Variants in EPB41L4B observed in about 807,000 individuals in gnomAD.
The protein encoded by EPB41L4B is band 4.1-like protein 4B.
Under a neutral mutation model 112.5 loss-of-function variants are expected in EPB41L4B, and 30 were observed. The ratio of observed to expected loss-of-function variants is 0.27; its 90% CI spans 0.20 to 0.36. EPB41L4B has a LOEUF of 0.36. EPB41L4B is among the 10% of genes least tolerant of loss of function. The pLI, the probability that EPB41L4B is intolerant of heterozygous loss-of-function variation, is 1.00. For missense variants in EPB41L4B, 1,024 were observed against 1,133.3 expected (o/e 0.90, Z 1.38); for synonymous variants, 408 against 439.7 (o/e 0.93, Z 0.90).
chr9:109,314,737 G>C (rs1837569847), intron 1 of EPB41L4B, among the ~76,000 whole-genome samples: 1 of 152,060 alleles, frequency 6.6e-6, no homozygotes, highest in African/African-American at 2.4e-5. Context: ...CCAGGTCTGA[G>C]AGGGGATGTG....
intron 2 of EPB41L4B, among the ~76,000 whole-genome samples, chr9:109,272,763 A>C (rs183855368): frequency 6.6e-6 from 1 of 152,296 alleles, no homozygotes; most frequent in African/African-American, 2.4e-5. Context: ...AAATACATAT[A>C]TATAGTTTGT....
chr9:109,220,385 A>G (rs1833530206), intron 15 of EPB41L4B, among the ~76,000 whole-genome samples: 1 of 152,200 alleles, frequency 6.6e-6, no homozygotes, highest in Non-Finnish European at 1.5e-5. Context: ...GAAAGGGCTT[A>G]AGCAAGGGAG....
chr9:109,255,430 T>G (rs758310361), intron 11 of EPB41L4B, 81 bp downstream of exon 11: 290 of 1,526,440 alleles, frequency 1.9e-4, no homozygotes, highest in Non-Finnish European at 2.4e-4. Flanking sequence ...TCAAATCCAC[T>G]ACTCTATTCG....
At position 109,173,740 on chromosome 9, in the gene EPB41L4B, A is replaced by C. The variant is rs1279773732; in HGVS notation, c.*814T>G. 2 of 152,678 alleles carry C rather than the reference A, an allele frequency of 1.3e-5. No homozygotes were observed. The highest frequency in any genetic ancestry group is 2.9e-5 in the Non-Finnish European group (2 of 68,040). The allele number at this position is 152,678 out of a possible 1,614,324, so 9.5% of individuals were successfully genotyped here. A position where few individuals can be genotyped will look rare whatever the true frequency, so the allele number is the denominator to read the frequency against. ...AAGTTGTTCAAGTGCATTAATAAAA[A>C]TTTAAAAACACATTTCTTGAAACTA... On this transcript the variant is annotated 3_prime_UTR_variant, in exon 26 of 26. Transcript: ENST00000374566.
chr9:109,259,535 G>A (rs572693888), intron 6 of EPB41L4B, among the ~76,000 whole-genome samples: 5 of 152,180 alleles, frequency 3.3e-5, no homozygotes, highest in East Asian at 1.9e-4. Context: ...CTAGGAGGCC[G>A]TGGAGGGTGG....
chr9:109,254,395 G>A (rs1423722654), intron 11 of EPB41L4B, among the ~76,000 whole-genome samples: 1 of 77,836 alleles, frequency 1.3e-5, no homozygotes, highest in Admixed American at 1.6e-4. Context: ...CCCCGCCCCC[G>A]ACCCCTTGGA....
At chr9:109,237,083 C>T (rs997761338) in intron 15 of EPB41L4B, among the ~76,000 whole-genome samples, 1 of 152,176 alleles carries the variant, frequency 6.6e-6, no homozygotes, top group Non-Finnish European at 1.5e-5. Context: ...AAGACTCTGT[C>T]ATTACTTGTG....
At chr9:109,206,804 T>TTTGC (rs1833005894) in intron 18 of EPB41L4B, among the ~76,000 whole-genome samples, 5 of 152,244 alleles carry the variant, frequency 3.3e-5, no homozygotes, top group African/African-American at 1.2e-4. Context: ...CCTGCAAACC[T>TTTGC]CATGTCTGCT....
intron 15 of EPB41L4B, among the ~76,000 whole-genome samples, chr9:109,242,260 T>TTCTG (rs991294324): frequency 2.0e-5 from 3 of 152,236 alleles, no homozygotes; most frequent in Admixed American, 2.0e-4. Context: ...ACCCCATAGA[T>TTCTG]TCTGATCCAG....
At position 109,258,604 on chromosome 9, in the gene EPB41L4B, C is replaced by T. The variant is rs1298263123; in HGVS notation, c.632-307G>A. On this transcript the variant is annotated intron_variant, in intron 6 of 25. Transcript: ENST00000374566. ...CATTTTCCCCACGAAGGGGTAGAAC[C>T]CTGAATTTGCAATAAAAGGCAATTG... Among the ~76,000 whole-genome samples, 4 of 152,188 alleles carry T rather than the reference C, an allele frequency of 2.6e-5. No individual in the cohort carries two copies. In the East Asian group the frequency reaches 7.7e-4, roughly 29 times the overall value.
At chr9:109,246,123 C>T (rs1409338618) in intron 14 of EPB41L4B, among the ~76,000 whole-genome samples, 3 of 152,206 alleles carry the variant, frequency 2.0e-5, no homozygotes, top group African/African-American at 7.2e-5. Context: ...GAACCCTGGC[C>T]GGGCACGGTG....
chr9:109,282,381 T>C (rs942426509), intron 1 of EPB41L4B, among the ~76,000 whole-genome samples: 1 of 152,214 alleles, frequency 6.6e-6, no homozygotes, highest in Non-Finnish European at 1.5e-5. Flanking sequence ...ACATTTTGGA[T>C]AGGCAAACTG....
intron 20 of EPB41L4B, among the ~76,000 whole-genome samples, chr9:109,196,773 C>A (rs1402940581): frequency 6.6e-6 from 1 of 151,038 alleles, no homozygotes; most frequent in Non-Finnish European, 1.5e-5. Flanking sequence ...TCTGTAGAGA[C>A]CCTCTACTTC....
At chr9:109,278,293 T>C (rs1215474908) in intron 2 of EPB41L4B, among the ~76,000 whole-genome samples, 1 of 151,918 alleles carries the variant, frequency 6.6e-6, no homozygotes, top group South Asian at 2.1e-4. Context: ...TGGGGTGGCA[T>C]AACAGGACGT....
In EPB41L4B at chr9:109,194,213, C is replaced by A. The variant is rs202182294; in HGVS notation, c.2223+7G>T. The A allele has an allele frequency of 2.5e-6, 4 of 1,613,618 alleles. No homozygotes were observed. The highest frequency in any genetic ancestry group is 3.4e-6 in the Non-Finnish European group (4 of 1,179,630). ...GCTGCTCGCCAGGGCTTTCCACCCC[C>A]CAATACCTTGGCCCCAGGGGACAGC... On this transcript the variant is annotated splice_region_variant and intron_variant, in intron 21 of 25. Coordinates refer to ENST00000374566, the MANE Select transcript of EPB41L4B (RefSeq NM_019114.5).
chr9:109,179,141 C>A (rs1831958693), intron 24 of EPB41L4B, among the ~76,000 whole-genome samples: 1 of 152,166 alleles, frequency 6.6e-6, no homozygotes, highest in Non-Finnish European at 1.5e-5. Context: ...GGCTCCCCAC[C>A]CTAGATGGAC....
intron 1 of EPB41L4B, among the ~76,000 whole-genome samples, chr9:109,282,171 A>G (rs1311348759): frequency 1.3e-5 from 2 of 152,248 alleles, no homozygotes; most frequent in Non-Finnish European, 2.9e-5. Context: ...TGATCCATTT[A>G]TAAGAAACCT....
chr9:109,272,274 T>C (rs779465450), intron 2 of EPB41L4B, among the ~76,000 whole-genome samples: 6 of 152,098 alleles, frequency 3.9e-5, no homozygotes, highest in Non-Finnish European at 5.9e-5. Flanking sequence ...CTGGGCAACA[T>C]AGCAAGACCC....
At chr9:109,277,052 G>A (rs531375510) in intron 2 of EPB41L4B, among the ~76,000 whole-genome samples, 42 of 152,226 alleles carry the variant, frequency 2.8e-4, no homozygotes, top group African/African-American at 9.4e-4. Flanking sequence ...TGAGTCAGAG[G>A]CAGAGCCAGG....
Sources: gnomAD v4.1 joint callset for allele counts (sites outside exome capture counted in the v4.1 genomes callset) on GRCh38, gnomAD v4.1.1 for gene constraint, MANE v1.5 for transcripts, NCBI Gene and HGNC (gene_info 2026-07-23, HGNC 2026-07-21) for gene names.